COL23A1: variants seen among roughly 807,000 people sequenced by gnomAD.
COL23A1 encodes collagen alpha-1(XXIII) chain.
In COL23A1, 97 loss-of-function variants were observed where a neutral mutation model predicts 99.3. The ratio of observed to expected loss-of-function variants is 0.98; its 90% CI spans 0.83 to 1.16. The LOEUF is 1.16. Ranked by LOEUF, COL23A1 falls within the 50% of genes most tolerant of loss-of-function variation. The pLI is 0.00. For missense variants in COL23A1, 762 were observed against 757.4 expected, an observed-to-expected ratio of 1.01 and a Z score of -0.07; for synonymous variants, 320 against 308.2, an observed-to-expected ratio of 1.04 and a Z score of -0.40.
chr5:178,313,376 T>A lies in COL23A1; in HGVS notation c.362-6457A>T, dbSNP rs1758807726. Among the ~76,000 whole-genome samples, 1 of 152,170 alleles carries A rather than the reference T, an allele frequency of 6.6e-6. No homozygotes were observed. The highest frequency in any genetic ancestry group is 2.4e-5 in the African/African-American group (1 of 41,432). ...TATGGTATGTGTATTTTATCACAATTAAAGAAAACAAAACAAACACCCCAG... is the reference window on the plus strand; with the variant it reads ...TATGGTATGTGTATTTTATCACAATAAAAGAAAACAAAACAAACACCCCAG... On this transcript the variant is annotated intron_variant, in intron 2 of 28. Coordinates refer to ENST00000390654, the MANE Select transcript of COL23A1 (RefSeq NM_173465.4). The surrounding 1 kb of genome is among the most constrained non-coding windows in gnomAD (Gnocchi z 4.2).
intron 2 of COL23A1, among the ~76,000 whole-genome samples, chr5:178,520,349 T>C (rs1759871776): frequency 6.6e-6 from 1 of 152,158 alleles, no homozygotes; most frequent in African/African-American, 2.4e-5. Context: ...TATCAGTTCC[T>C]CCAAGACCCC....
Position 178,524,874 on chromosome 5 carries a change from TCATTC to T in COL23A1, c.361+35803_361+35807del, listed in dbSNP as rs755648869. Among the ~76,000 whole-genome samples the T allele has an allele frequency of 3.9e-5, 6 of 152,368 alleles. No homozygotes were observed. In the East Asian group the frequency reaches 1.2e-3, roughly 29 times the overall value. Reference sequence around the variant, plus strand: ...CTCACGCAGCAATGCAGTCATTCATTCATTCAACAGCTGTCTGGGAGCCCAGCACT... The same window carrying T: ...CTCACGCAGCAATGCAGTCATTCATTAACAGCTGTCTGGGAGCCCAGCACT... On this transcript the variant is annotated intron_variant, in intron 2 of 28. Coordinates refer to ENST00000390654, the MANE Select transcript of COL23A1 (RefSeq NM_173465.4).
At chr5:178,383,640 A>G (rs1365733767) in intron 2 of COL23A1, among the ~76,000 whole-genome samples, 1 of 152,158 alleles carries the variant, frequency 6.6e-6, no homozygotes, top group African/African-American at 2.4e-5. Context: ...GTGTCCCAGG[A>G]CTTTTCGTGG....
At chr5:178,392,801 T>G (rs1268243166) in intron 2 of COL23A1, among the ~76,000 whole-genome samples, 1 of 152,112 alleles carries the variant, frequency 6.6e-6, no homozygotes, top group Non-Finnish European at 1.5e-5. Context: ...AATGCCACAT[T>G]AGAAGAGGAG....
At chr5:178,282,052 CAAAA>C (rs70994994) in intron 5 of COL23A1, among the ~76,000 whole-genome samples, 2 of 98,686 alleles carry the variant, frequency 2.0e-5, no homozygotes, top group Non-Finnish European at 2.1e-5. Flanking sequence ...ACACTGTCTC[CAAAA>C]AAAAAAAAAA....
intron 2 of COL23A1, among the ~76,000 whole-genome samples, chr5:178,361,240 A>G (rs904193215): frequency 6.6e-6 from 1 of 152,242 alleles, no homozygotes; most frequent in African/African-American, 2.4e-5. Context: ...CTGTTTGTCA[A>G]AAAGGAAATT....
intron 2 of COL23A1, among the ~76,000 whole-genome samples, chr5:178,511,838 C>G (rs1445070859): frequency 6.6e-6 from 1 of 152,188 alleles, no homozygotes; most frequent in Non-Finnish European, 1.5e-5. Flanking sequence ...TCCGGGAACA[C>G]TGCAGTGATT....
chr5:178,422,959 GTTTA>G (rs992109406), intron 2 of COL23A1, among the ~76,000 whole-genome samples: 1 of 151,972 alleles, frequency 6.6e-6, no homozygotes, highest in Non-Finnish European at 1.5e-5. Context: ...GAATTTTGAA[GTTTA>G]TTTATTTATT....
intron 2 of COL23A1, among the ~76,000 whole-genome samples, chr5:178,501,403 T>C (rs1617500): frequency 0.17 from 25,216 of 151,822 alleles, 4,214 homozygotes; most frequent in East Asian, 0.61. Flanking sequence ...GTCAACATGA[T>C]GAAATGTCTC....
intron 2 of COL23A1, among the ~76,000 whole-genome samples, chr5:178,437,594 T>G (rs150952978): frequency 4.6e-4 from 70 of 152,236 alleles, no homozygotes; most frequent in African/African-American, 1.6e-3. Context: ...CAGGGGTCAG[T>G]CCAGCCTCTG....
At chr5:178,413,144 G>A (rs1765135248) in intron 2 of COL23A1, among the ~76,000 whole-genome samples, 1 of 152,064 alleles carries the variant, frequency 6.6e-6, no homozygotes, top group Non-Finnish European at 1.5e-5. Context: ...GACTGTCATA[G>A]CATTCCAGCC....
chr5:178,253,674 G>C (rs571921529), intron 16 of COL23A1, among the ~76,000 whole-genome samples: 106 of 151,692 alleles, frequency 7.0e-4, no homozygotes, highest in African/African-American at 2.4e-3. Flanking sequence ...GGAGAGACGC[G>C]GTTTCACTAT....
intron 2 of COL23A1, among the ~76,000 whole-genome samples, chr5:178,349,617 T>G (rs1236749172): frequency 6.7e-6 from 1 of 150,254 alleles, no homozygotes; most frequent in African/African-American, 2.4e-5. Context: ...CACCGTCCAA[T>G]GTAATGGGAG....
Position 178,589,913 on chromosome 5 carries a change from C to A in COL23A1, c.285G>T (p.Leu95=). 1.5e-6 allele frequency: 2 copies of A among 1,316,318 alleles called. No homozygotes were observed. Among genetic ancestry groups the A allele is most frequent in the Non-Finnish European group, 1.9e-6 (2 of 1,038,618 alleles). 81.5% of individuals were successfully genotyped at this position (1,316,318 alleles called of 1,614,324 possible). Residue 95 remains leucine (L), a synonymous_variant, in exon 1 of 29, where the codon CTG becomes CTT. Coordinates refer to ENST00000390654, the MANE Select transcript of COL23A1 (RefSeq NM_173465.4). This position sits in a 1 kb window ranked among gnomAD's most constrained non-coding sequence, Gnocchi z 5.4. ...GCGCCAAGACGCTCACCTCCCGCAG[C>A]AGGCGCTCCAGGTGCGGCTCGGCCC... ...DAWAEPHLER[L]LREKLDGLAK...
intron 2 of COL23A1, among the ~76,000 whole-genome samples, chr5:178,470,918 T>G (rs745650706): frequency 6.6e-6 from 1 of 152,348 alleles, no homozygotes; most frequent in East Asian, 1.9e-4. Flanking sequence ...GTGTGCACTT[T>G]TGTCCATTCC....
rs200162709 is a variant in COL23A1, at chr5:178,259,648, G to A, written c.729+73C>T. 2.1e-4 allele frequency: 118 copies of A among 548,878 alleles called. No homozygotes were observed. In the Middle Eastern group the frequency reaches 3.0e-3, roughly 14 times the overall value. 34.0% of individuals were successfully genotyped at this position (548,878 alleles called of 1,614,324 possible). A position where few individuals can be genotyped will look rare whatever the true frequency, so the allele number is the denominator to read the frequency against. ...CCGTCCCCATCCCCATCCCCATTCC[G>A]TCCCAGCCCCTGCCCTTCTCTCCAG... On this transcript the variant is annotated intron_variant, in intron 12 of 28. Coordinates refer to ENST00000390654, the MANE Select transcript of COL23A1 (RefSeq NM_173465.4).
At chr5:178,576,880 T>G (rs998765163) in intron 1 of COL23A1, among the ~76,000 whole-genome samples, 3 of 151,696 alleles carry the variant, frequency 2.0e-5, no homozygotes, top group African/African-American at 4.8e-5. Flanking sequence ...CCGCCTGGGT[T>G]CGGCTTTGGA....
chr5:178,411,984 G>A (rs550415544), intron 2 of COL23A1, among the ~76,000 whole-genome samples: 15 of 152,310 alleles, frequency 9.8e-5, no homozygotes, highest in African/African-American at 3.6e-4. Context: ...AAAACTATCA[G>A]CAATTTAAGG....
intron 3 of COL23A1, among the ~76,000 whole-genome samples, chr5:178,298,895 T>G (rs1757889001): frequency 1.3e-5 from 2 of 152,236 alleles, no homozygotes; most frequent in South Asian, 4.1e-4. Flanking sequence ...AACTTGTGGA[T>G]TTCATCAAAT....
Sources: allele counts gnomAD v4.1 joint callset (sites outside exome capture counted in the v4.1 genomes callset), GRCh38; gene constraint gnomAD v4.1.1; non-coding constraint Gnocchi (gnomAD v3.1); transcripts MANE v1.5; gene names NCBI Gene and HGNC (gene_info 2026-07-23, HGNC 2026-07-21).